PDE1C: variants seen among roughly 807,000 people sequenced by gnomAD.
PDE1C encodes the protein phosphodiesterase 1C, also known as dual specificity calcium/calmodulin-dependent 3',5'-cyclic nucleotide phosphodiesterase 1C.
A neutral mutation model predicts 93.1 loss-of-function variants in PDE1C; 62 were observed. The observed-to-expected ratio is 0.67, with a 90% CI of 0.54 to 0.82. The LOEUF (loss-of-function observed/expected upper bound fraction) is 0.82. Ranked by LOEUF, PDE1C falls within the 40% of genes least tolerant of loss-of-function variation. The probability of loss-of-function intolerance (pLI) is 0.00; values close to 1 mark genes in which losing one functional copy is unlikely to be tolerated. For synonymous variants in PDE1C, 325 were observed against 310.1 expected, an observed-to-expected ratio of 1.05 and a Z score of -0.50; for missense variants, 742 against 884.6, an observed-to-expected ratio of 0.84 and a Z score of 2.04.
chr7:32,294,016 G>C (rs1278864628), intron 1 of PDE1C, among the ~76,000 whole-genome samples: 1 of 152,044 alleles, frequency 6.6e-6, no homozygotes, highest in Non-Finnish European at 1.5e-5. Flanking sequence ...GCTGGAGAGT[G>C]GGCCACACCC....
chr7:32,350,583 TATATATA>T (rs1355955298), intron 1 of PDE1C, among the ~76,000 whole-genome samples: 9 of 536 alleles, frequency 0.017, 1 homozygote, highest in African/African-American at 0.021. Context: ...TATATATATA[TATATATA>T]TTTTTTTTTT....
intron 17 of PDE1C, 135 bp downstream of exon 17, chr7:31,775,529 C>A: frequency 2.9e-6 from 2 of 691,492 alleles, no homozygotes; most frequent in Non-Finnish European, 5.0e-6. Context: ...GTGACAGAGA[C>A]AAAGCTCTCT....
At chr7:31,633,863 AC>A in the PDE1C span, among the ~76,000 whole-genome samples, 1 of 152,170 alleles carries the variant, frequency 6.6e-6, no homozygotes, top group African/African-American at 2.4e-5. Context: ...CAACTTTATC[AC>A]ACTTGACACC....
At chr7:31,895,582 C>T (rs1265523623) in intron 2 of PDE1C, among the ~76,000 whole-genome samples, 1 of 92,906 alleles carries the variant, frequency 1.1e-5, no homozygotes, top group East Asian at 3.3e-4. Context: ...TCTCTCTTTT[C>T]TCTCTCTCTC....
intron 1 of PDE1C, among the ~76,000 whole-genome samples, chr7:32,314,331 A>C (rs1276517414): frequency 6.6e-6 from 1 of 152,212 alleles, no homozygotes; most frequent in Non-Finnish European, 1.5e-5. Context: ...TCATTAAGAG[A>C]CAAAGGGAAT....
the PDE1C span, among the ~76,000 whole-genome samples, chr7:31,732,644 G>T: frequency 2.7e-4 from 5 of 18,606 alleles, no homozygotes; most frequent in African/African-American, 4.0e-4. Context: ...CTTTCTGTGT[G>T]TGTGTGTGTG....
chr7:31,989,329 C>G (rs553491638), intron 2 of PDE1C, among the ~76,000 whole-genome samples: 2 of 152,192 alleles, frequency 1.3e-5, no homozygotes, highest in African/African-American at 4.8e-5. Context: ...TAGTTCAGTC[C>G]CAGTATACAT....
At chr7:32,362,406 C>T (rs1784153535) in intron 1 of PDE1C, among the ~76,000 whole-genome samples, 2 of 152,154 alleles carry the variant, frequency 1.3e-5, no homozygotes, top group African/African-American at 2.4e-5. Flanking sequence ...CACATCTCAG[C>T]CCTGTCTCTC....
chr7:32,176,012 A>T (rs977281553), intron 2 of PDE1C, among the ~76,000 whole-genome samples: 1 of 152,188 alleles, frequency 6.6e-6, no homozygotes, highest in Admixed American at 6.5e-5. Context: ...TTTCTTCCAA[A>T]CTAGTTGTTA....
chr7:31,832,337 A>T (rs1279137169), intron 11 of PDE1C, among the ~76,000 whole-genome samples: 1 of 152,230 alleles, frequency 6.6e-6, no homozygotes, highest in Non-Finnish European at 1.5e-5. Context: ...AGGTGAACTT[A>T]TACTTCTTTA....
Position 31,809,083 on chromosome 7 carries a change from CTTA to C in PDE1C, c.1836_1838del (p.Asn612del). 1.3e-6 allele frequency: 2 copies of C among 1,593,508 alleles called. No homozygotes were observed. Among genetic ancestry groups the C allele is most frequent in the Non-Finnish European group, 1.7e-6 (2 of 1,162,500 alleles). ...TGTTAGAGTGATCCTTCTTGTCTGTCTTATTTTTACCATCTTTGAAGTCACCTG... is the reference window on the plus strand; with the variant it reads ...TGTTAGAGTGATCCTTCTTGTCTGTCTTTTTACCATCTTTGAAGTCACCTG... On this transcript the variant is annotated inframe_deletion, in exon 16 of 18. Transcript: ENST00000396191.
rs142268755 is a variant in PDE1C, at chr7:32,105,934, C to G, written c.308+63851G>C. ...CTTAACTAGATAACAGAGAAGCCCA[C>G]AATCCATAAGAACCACCCCCACCAT... On this transcript the variant is annotated intron_variant, in intron 3 of 18. Transcript: ENST00000396193. Among the ~76,000 whole-genome samples, 878 of 152,260 alleles carry G rather than the reference C, an allele frequency of 5.8e-3. 7 individuals carry two copies. Among genetic ancestry groups the G allele is most frequent in the African/African-American group, 0.02 (816 of 41,564 alleles).
intron 7 of PDE1C, among the ~76,000 whole-genome samples, chr7:31,862,845 T>G (rs1368026769): frequency 6.6e-6 from 1 of 152,196 alleles, no homozygotes; most frequent in Non-Finnish European, 1.5e-5. Flanking sequence ...TATTGATATA[T>G]TTGCCTATTT....
chr7:32,052,943 G>GA lies in PDE1C; in HGVS notation c.102-1364dup, dbSNP rs1268937520. On this transcript the variant is annotated intron_variant, in intron 1 of 17. Coordinates refer to ENST00000396191, the MANE Select transcript of PDE1C (RefSeq NM_001191057.4). ...TCTTTAAAGAGTGAGCATTATAACA[G>GA]AAAAAAATATTAAAATATGGATACA... Among the ~76,000 whole-genome samples, 4 of 151,786 alleles carry GA rather than the reference G, an allele frequency of 2.6e-5. No individual in the cohort carries two copies. In the South Asian group the frequency reaches 6.2e-4, roughly 24 times the overall value.
At chr7:31,624,609 A>T in the PDE1C span, among the ~76,000 whole-genome samples, 2 of 148,248 alleles carry the variant, frequency 1.3e-5, no homozygotes, top group Non-Finnish European at 3.0e-5. Flanking sequence ...TACACCTTAT[A>T]CAAAGATCAA....
At chr7:32,227,819 G>T (rs375639592) in intron 1 of PDE1C, among the ~76,000 whole-genome samples, 1 of 152,176 alleles carries the variant, frequency 6.6e-6, no homozygotes, top group Non-Finnish European at 1.5e-5. Context: ...TTACTCTAGT[G>T]GGGAGACCAG....
chr7:32,039,114 G>A (rs1791487351), intron 2 of PDE1C, among the ~76,000 whole-genome samples: 1 of 152,074 alleles, frequency 6.6e-6, no homozygotes, highest in Non-Finnish European at 1.5e-5. Context: ...CCAAATAGTA[G>A]CATTATGTCC....
intron 3 of PDE1C, among the ~76,000 whole-genome samples, chr7:32,135,826 C>A (rs1800173132): frequency 6.6e-6 from 1 of 152,158 alleles, no homozygotes; most frequent in African/African-American, 2.4e-5. Flanking sequence ...CGTTCATGTT[C>A]ATTGCAGCAT....
At chr7:32,062,757 T>C (rs948399342) in intron 1 of PDE1C, among the ~76,000 whole-genome samples, 5 of 152,174 alleles carry the variant, frequency 3.3e-5, no homozygotes, top group Non-Finnish European at 5.9e-5. Context: ...CTTTGTCTTG[T>C]TTCCCACTAA....
Sources: gnomAD v4.1 joint callset for allele counts (sites outside exome capture counted in the v4.1 genomes callset) on GRCh38, gnomAD v4.1.1 for gene constraint, MANE v1.5 for transcripts, NCBI Gene and HGNC (gene_info 2026-07-23, HGNC 2026-07-21) for gene names.